Variants in CDNF observed in about 807,000 individuals in gnomAD.
CDNF encodes ARMET-like protein 1.
A neutral mutation model predicts 14.8 loss-of-function variants in CDNF; 9 were observed. The observed-to-expected ratio is 0.61, with a 90% CI of 0.37 to 1.06. The LOEUF (loss-of-function observed/expected upper bound fraction) is 1.06, where lower values mean the gene tolerates loss of function less well. CDNF is among the 50% of genes least tolerant of loss of function. The pLI is 0.01. For synonymous variants in CDNF, 86 were observed against 87.2 expected, an observed-to-expected ratio of 0.99 and a Z score of 0.07; for missense variants, 228 against 228.4, an observed-to-expected ratio of 1.00 and a Z score of 0.01.
chr10:14,826,059 AAGAAGAAGAAG>A (rs1198608309), intron 2 of CDNF, among the ~76,000 whole-genome samples: 1 of 134,994 alleles, frequency 7.4e-6, no homozygotes, highest in Non-Finnish European at 1.5e-5. Context: ...GAAGAAGAAG[AAGAAGAAGAAG>A]AAGAAGAAGA....
chr10:14,826,008 C>CAGA (rs1564313182), intron 2 of CDNF, among the ~76,000 whole-genome samples: 6 of 84,906 alleles, frequency 7.1e-5, no homozygotes, highest in Non-Finnish European at 1.4e-4. Flanking sequence ...GCAGAAGAAG[C>CAGA]AGAAGCAGAA....
intron 3 of CDNF, 56 bp from the exon 4 acceptor site, chr10:14,820,214 A>G (rs570180357): frequency 1.9e-6 from 3 of 1,561,084 alleles, no homozygotes; most frequent in African/African-American, 1.4e-5. Context: ...AAAAATCCCT[A>G]TGAATCACTT....
intron 1 of CDNF, 96 bp from the exon 2 acceptor site, chr10:14,828,368 G>A: frequency 8.1e-7 from 1 of 1,230,338 alleles, no homozygotes; most frequent in Non-Finnish European, 1.1e-6. Flanking sequence ...TCTATATGGG[G>A]CTGGGCATGG....
Position 14,835,507 on chromosome 10 carries a change from A to C in CDNF, c.115+2325T>G, listed in dbSNP as rs182304024. 5.9e-5 allele frequency among the ~76,000 whole-genome samples: 9 copies of C among 152,354 alleles called. No homozygotes were observed. The East Asian group carries it at 1.7e-3, about 29-fold the overall frequency. ...AAGGAAACTCATTTTCTGGACTTAC[A>C]TGAAGAGAATAACCTCACCATAAAT... On this transcript the variant is annotated intron_variant, in intron 1 of 3. Coordinates refer to ENST00000465530, the MANE Select transcript of CDNF (RefSeq NM_001029954.3).
chr10:14,820,761 C>T (rs1833731591), intron 3 of CDNF, among the ~76,000 whole-genome samples: 2 of 151,910 alleles, frequency 1.3e-5, no homozygotes, highest in Non-Finnish European at 2.9e-5. Context: ...TACAGTATAA[C>T]AACTATTTAC....
chr10:14,836,255 C>G (rs1053538690), intron 1 of CDNF: 2 of 152,170 alleles, frequency 1.3e-5, no homozygotes, highest in African/African-American at 4.8e-5. Context: ...AGTTACCAAA[C>G]TGTTATGTCC....
chr10:14,820,516 C>T (rs1833729097), intron 3 of CDNF, among the ~76,000 whole-genome samples: 1 of 151,894 alleles, frequency 6.6e-6, no homozygotes, highest in Non-Finnish European at 1.5e-5. Flanking sequence ...TGCCTGAGGT[C>T]AGGAATTCGA....
chr10:14,821,447 G>C (rs1363848410), intron 3 of CDNF, among the ~76,000 whole-genome samples: 2 of 152,242 alleles, frequency 1.3e-5, no homozygotes, highest in East Asian at 3.9e-4. Flanking sequence ...AGCAATGCGG[G>C]AACAGACTAA....
In CDNF at chr10:14,820,017, G is replaced by C. The variant is rs754595681; in HGVS notation, c.527C>G (p.Pro176Arg). 1 of 1,614,010 alleles carries C rather than the reference G, an allele frequency of 6.2e-7. No homozygotes were observed. The highest frequency in any genetic ancestry group is 8.5e-7 in the Non-Finnish European group (1 of 1,180,014). The change falls in exon 4 of 4, where the codon CCC becomes CGC. Residue 176 changes from proline to arginine, a missense_variant. Pro to Arg is a moderately radical substitution (Grantham distance 103, BLOSUM62 -2). Transcript: ENST00000465530. ...DYVNLIQELAPKYAATHPKTE... is the reference protein window; with the variant it reads ...DYVNLIQELARKYAATHPKTE... ...TTTGGGGTGTGTCGCTGCATACTTGGGGGCCAGCTCTTGAATGAGATTCAC... is the reference window on the plus strand; with the variant it reads ...TTTGGGGTGTGTCGCTGCATACTTGCGGGCCAGCTCTTGAATGAGATTCAC...
At chr10:14,827,720 C>T (rs1182660839) in intron 2 of CDNF, among the ~76,000 whole-genome samples, 1 of 152,022 alleles carries the variant, frequency 6.6e-6, no homozygotes, top group African/African-American at 2.4e-5. Flanking sequence ...TGGTGAATCC[C>T]TGTCTCTACT....
chr10:14,825,761 G>A (rs972254375), intron 2 of CDNF, 141 bp from the exon 3 acceptor site: 1 of 824,996 alleles, frequency 1.2e-6, no homozygotes, highest in African/African-American at 1.7e-5. Context: ...CACTTTGGGA[G>A]GTTGAGGAGG....
chr10:14,824,224 A>G (rs188336919), intron 3 of CDNF, among the ~76,000 whole-genome samples: 2 of 152,310 alleles, frequency 1.3e-5, no homozygotes, highest in East Asian at 3.9e-4. Context: ...TACCCACTCA[A>G]TCTACCCAAA....
intron 2 of CDNF, among the ~76,000 whole-genome samples, chr10:14,825,870 G>A (rs993980148): frequency 1.3e-5 from 2 of 151,658 alleles, no homozygotes; most frequent in African/African-American, 4.8e-5. Context: ...GTGCTTGCTT[G>A]AACCAAGGAG....
intron 1 of CDNF, among the ~76,000 whole-genome samples, chr10:14,831,846 T>C (rs1011172626): frequency 1.4e-4 from 22 of 152,198 alleles, no homozygotes; most frequent in Non-Finnish European, 8.8e-5. Flanking sequence ...AGTGCTGGGA[T>C]TACAGGTGTG....
chr10:14,832,857 T>C (rs886744817), intron 1 of CDNF, among the ~76,000 whole-genome samples: 5 of 139,536 alleles, frequency 3.6e-5, no homozygotes, highest in African/African-American at 1.3e-4. Context: ...TTTTGCTTTT[T>C]TTTTTTTTTT....
chr10:14,821,618 G>T (rs1228203432), intron 3 of CDNF, among the ~76,000 whole-genome samples: 1 of 152,134 alleles, frequency 6.6e-6, no homozygotes, highest in Non-Finnish European at 1.5e-5. Context: ...GGTACTGAAG[G>T]ACAACAGTGT....
At chr10:14,833,279 T>C (rs1348305106) in intron 1 of CDNF, among the ~76,000 whole-genome samples, 1 of 152,162 alleles carries the variant, frequency 6.6e-6, no homozygotes, top group African/African-American at 2.4e-5. Flanking sequence ...CAGATTGGCC[T>C]CCATAATGTG....
Position 14,820,045 on chromosome 10 carries a change from A to G in CDNF, c.499T>C (p.Tyr167His). 2 of 1,614,088 alleles carry G rather than the reference A, an allele frequency of 1.2e-6. No individual in the cohort carries two copies. Among genetic ancestry groups the G allele is most frequent in the Non-Finnish European group, 1.7e-6 (2 of 1,180,018 alleles). Residue 167 changes from tyrosine to histidine, a missense_variant, in exon 4 of 4, where the codon TAT (tyrosine) becomes CAT (histidine). Tyr to His is a moderately conservative substitution (Grantham distance 83). Coordinates refer to ENST00000465530, the MANE Select transcript of CDNF (RefSeq NM_001029954.3). ...GCCAGCTCTTGAATGAGATTCACAT[A>G]GTCAGTTTTTTCTGCACAGGCCCTG... ...ECRACAEKTDYVNLIQELAPK... is the reference protein window; with the variant it reads ...ECRACAEKTDHVNLIQELAPK...
chr10:14,837,909 CA>C lies in CDNF; in HGVS notation c.37del (p.Cys13AlafsTer11). The C allele has an allele frequency of 6.2e-7, 1 of 1,606,998 alleles. No homozygotes were observed. Among genetic ancestry groups the C allele is most frequent in the Non-Finnish European group, 8.5e-7 (1 of 1,178,244 alleles). ...CGGGTGAGAGACCAAAAGCCCGGCGCAAAAGGCCACCACAGCAACTGGGCTC... is the reference window on the plus strand; with the variant it reads ...CGGGTGAGAGACCAAAAGCCCGGCGCAAAGGCCACCACAGCAACTGGGCTC... ...CASPVAVVAF[C>X]AGLLVSHPVL... On this transcript the variant is annotated frameshift_variant, in exon 1 of 4. Transcript: ENST00000465530. LOFTEE classifies it high-confidence loss of function.
Sources: allele counts gnomAD v4.1 joint callset (sites outside exome capture counted in the v4.1 genomes callset), GRCh38; gene constraint gnomAD v4.1.1; transcripts MANE v1.5; gene names NCBI Gene and HGNC (gene_info 2026-07-23, HGNC 2026-07-21).